SMIM41: variants seen among roughly 807,000 people sequenced by gnomAD.
SMIM41 encodes small integral membrane protein 41.
chr12:52,096,384 T>G (rs1009971746), intron 2 of SMIM41, among the ~76,000 whole-genome samples: 1 of 152,046 alleles, frequency 6.6e-6, no homozygotes, highest in African/African-American at 2.4e-5. Flanking sequence ...GTACACCTAC[T>G]GCGATATTGA....
intron 2 of SMIM41, among the ~76,000 whole-genome samples, chr12:52,094,498 C>T (rs777552428): frequency 1.1e-4 from 16 of 152,106 alleles, no homozygotes; most frequent in Non-Finnish European, 1.0e-4. Context: ...CCACTGTGCC[C>T]GGCCAACACA....
chr12:52,096,709 G>A (rs1940103549), intron 2 of SMIM41, among the ~76,000 whole-genome samples: 1 of 151,230 alleles, frequency 6.6e-6, no homozygotes, highest in Non-Finnish European at 1.5e-5. Flanking sequence ...ATTGCATATT[G>A]TCATTATTAT....
intron 2 of SMIM41, among the ~76,000 whole-genome samples, chr12:52,099,004 A>G (rs1306817089): frequency 6.6e-6 from 1 of 151,950 alleles, no homozygotes; most frequent in Non-Finnish European, 1.5e-5. Flanking sequence ...CGGGAGTAAT[A>G]TCATCTTCTC....
intron 2 of SMIM41, among the ~76,000 whole-genome samples, chr12:52,098,652 AATGTAACCGGGG>A (rs1379994478): frequency 2.0e-5 from 3 of 151,506 alleles, no homozygotes; most frequent in Non-Finnish European, 2.9e-5. Context: ...TATTAGGAAA[AATGTAACCGGGG>A]ATGTGAACAC....
rs1456150299 is a variant in SMIM41, at chr12:52,107,700, GTTTGTAGCC to G, written c.*518_*526del. Reference sequence around the variant, plus strand: ...TCCTGAGTGTGATGGCCTATGACCGGTTTGTAGCCATCTGTCACCCTCTATATCATTCAG... The same window carrying G: ...TCCTGAGTGTGATGGCCTATGACCGGATCTGTCACCCTCTATATCATTCAG... On this transcript the variant is annotated 3_prime_UTR_variant, in exon 3 of 3. Coordinates refer to ENST00000546390, the MANE Select transcript of SMIM41 (RefSeq NM_001369216.1). 2.2e-5 allele frequency: 11 copies of G among 497,602 alleles called. No individual in the cohort carries two copies. In the East Asian group the frequency reaches 4.3e-4, roughly 19 times the overall value. 30.8% of individuals were successfully genotyped at this position (497,602 alleles called of 1,614,324 possible).
intron 2 of SMIM41, among the ~76,000 whole-genome samples, chr12:52,093,090 C>T (rs7134856): frequency 1.1e-4 from 16 of 151,882 alleles, no homozygotes; most frequent in African/African-American, 2.9e-4. Flanking sequence ...CCCAGCTACT[C>T]GAGAGGTTGA....
At chr12:52,103,978 T>C (rs1169413365) in intron 2 of SMIM41, among the ~76,000 whole-genome samples, 3 of 152,176 alleles carry the variant, frequency 2.0e-5, no homozygotes, top group Non-Finnish European at 4.4e-5. Flanking sequence ...GTACTTAATG[T>C]CATTAAACTG....
intron 2 of SMIM41, among the ~76,000 whole-genome samples, chr12:52,095,312 G>T (rs1386977363): frequency 6.6e-6 from 1 of 150,996 alleles, no homozygotes; most frequent in Non-Finnish European, 1.5e-5. Flanking sequence ...GATCCACATC[G>T]CAGGGGGGCG....
intron 2 of SMIM41, among the ~76,000 whole-genome samples, chr12:52,086,007 G>C (rs915269102): frequency 5.9e-5 from 9 of 152,330 alleles, no homozygotes; most frequent in Non-Finnish European, 1.2e-4. Flanking sequence ...GATGCTGCTG[G>C]AGGTGGAAAG....
chr12:52,108,158 T>C lies in SMIM41; in HGVS notation c.*975T>C, dbSNP rs1205258196. The C allele has an allele frequency of 8.9e-6, 2 of 224,960 alleles. No individual in the cohort carries two copies. Among genetic ancestry groups the C allele is most frequent in the Non-Finnish European group, 1.8e-5 (2 of 113,656 alleles). 13.9% of individuals were successfully genotyped at this position (224,960 alleles called of 1,614,324 possible). A position where few individuals can be genotyped will look rare whatever the true frequency, so the allele number is the denominator to read the frequency against. ...CTTCCCCCAGAAAGGGTGCAGTGGC[T>C]GCAGTGATGTACACGGTGGTCACCT... On this transcript the variant is annotated 3_prime_UTR_variant, in exon 3 of 3. Coordinates refer to ENST00000546390, the MANE Select transcript of SMIM41 (RefSeq NM_001369216.1).
At chr12:52,101,815 T>C (rs7310854) in intron 2 of SMIM41, among the ~76,000 whole-genome samples, 31,240 of 149,298 alleles carry the variant, frequency 0.21, 3,453 homozygotes, top group Non-Finnish European at 0.24. Flanking sequence ...TGGGTTCAAG[T>C]GATTCTCCTG....
chr12:52,101,742 C>G (rs1206714972), intron 2 of SMIM41, among the ~76,000 whole-genome samples: 1 of 149,692 alleles, frequency 6.7e-6, no homozygotes, highest in Admixed American at 6.7e-5. Flanking sequence ...GATGGAGTTT[C>G]GCTCTTGTTG....
intron 2 of SMIM41, among the ~76,000 whole-genome samples, chr12:52,089,597 AAAAAC>A (rs149875066): frequency 0.75 from 110,987 of 148,906 alleles, 42,611 homozygotes; most frequent in East Asian, 0.99. Flanking sequence ...CCGCCTTCAA[AAAAAC>A]AAAACAAAAC....
intron 2 of SMIM41, among the ~76,000 whole-genome samples, chr12:52,097,562 A>G (rs1174527621): frequency 6.6e-6 from 1 of 152,090 alleles, no homozygotes; most frequent in East Asian, 1.9e-4. Context: ...TATTTCCAGT[A>G]AGATCATCTT....
intron 2 of SMIM41, among the ~76,000 whole-genome samples, chr12:52,088,549 C>T (rs1194077368): frequency 6.6e-6 from 1 of 152,206 alleles, no homozygotes; most frequent in Non-Finnish European, 1.5e-5. Flanking sequence ...ATGGTTTCTC[C>T]ACCCCAGCAG....
chr12:52,082,526 T>A (rs1441213856), intron 1 of SMIM41, among the ~76,000 whole-genome samples: 4 of 152,014 alleles, frequency 2.6e-5, no homozygotes, highest in Non-Finnish European at 5.9e-5. Context: ...TCAGGCTGAG[T>A]GGGCAGGAAA....
At chr12:52,087,007 A>C (rs572578189) in intron 2 of SMIM41, among the ~76,000 whole-genome samples, 1 of 152,260 alleles carries the variant, frequency 6.6e-6, no homozygotes, top group South Asian at 2.1e-4. Context: ...TGGCACTGAG[A>C]ATGGTCACGG....
chr12:52,084,672 A>AG, intron 2 of SMIM41: 1 of 152,894 alleles, frequency 6.5e-6, no homozygotes. Flanking sequence ...CTTCGGAAGC[A>AG]GGGGGGCTGG....
chr12:52,107,013 C>T (rs377168495), intron 2 of SMIM41, among the ~76,000 whole-genome samples: 13 of 152,048 alleles, frequency 8.5e-5, no homozygotes, highest in Admixed American at 2.0e-4. Flanking sequence ...TATTTTTCTT[C>T]GGAAAAGATA....
Sources: allele counts gnomAD v4.1 joint callset (sites outside exome capture counted in the v4.1 genomes callset), GRCh38; gene constraint gnomAD v4.1.1; transcripts MANE v1.5; gene names NCBI Gene and HGNC (gene_info 2026-07-23, HGNC 2026-07-21).